Variants in PLPBP observed in about 807,000 individuals in gnomAD.
PLPBP encodes pyridoxal phosphate binding protein.
In PLPBP, 21 loss-of-function variants were observed where a neutral mutation model predicts 31.2. The observed-to-expected ratio is 0.67, with a 90% confidence interval of 0.48 to 0.97. PLPBP has a LOEUF of 0.97. PLPBP is among the 50% of genes least tolerant of loss of function. The probability of loss-of-function intolerance (pLI) is 0.00; values close to 1 mark genes in which losing one functional copy is unlikely to be tolerated. For synonymous variants in PLPBP, 124 were observed against 135.6 expected, an observed-to-expected ratio of 0.91 and a Z score of 0.59; for missense variants, 308 against 354.4, an observed-to-expected ratio of 0.87 and a Z score of 1.05.
In PLPBP at chr8:37,779,362, C is replaced by G. The variant is rs1172850530; in HGVS notation, c.*1258C>G. On this transcript the variant is annotated 3_prime_UTR_variant, in exon 8 of 8. Coordinates refer to ENST00000328195, the MANE Select transcript of PLPBP (RefSeq NM_007198.4). ...TCAACAAAGCCTGGCTTTGACATTC[C>G]TTGTCCTGAGGAGCACTTTCCAGGC... 1.3e-5 allele frequency: 2 copies of G among 152,096 alleles called. No individual in the cohort carries two copies. The highest frequency in any genetic ancestry group is 2.9e-5 in the Non-Finnish European group (2 of 68,030). 9.4% of individuals were successfully genotyped at this position (152,096 alleles called of 1,614,324 possible).
At chr8:37,770,851 G>A (rs1383498213) in intron 4 of PLPBP, among the ~76,000 whole-genome samples, 2 of 151,978 alleles carry the variant, frequency 1.3e-5, no homozygotes, top group African/African-American at 2.4e-5. Context: ...TGCTGGGATC[G>A]CAGGTGTGAG....
At chr8:37,777,722 T>C (rs1803952206) in intron 7 of PLPBP, among the ~76,000 whole-genome samples, 1 of 152,176 alleles carries the variant, frequency 6.6e-6, no homozygotes, top group Non-Finnish European at 1.5e-5. Context: ...TACAGGCATG[T>C]GCCACTATGC....
At position 37,779,258 on chromosome 8, in the gene PLPBP, T is replaced by A. The variant is rs920754672; in HGVS notation, c.*1154T>A. On this transcript the variant is annotated 3_prime_UTR_variant, in exon 8 of 8. Transcript: ENST00000328195. Reference sequence around the variant, plus strand: ...CCACTATAATCCTCTTTAGGGTGATTTTTTAAATCAAAACCCAGTGAATCT... The same window carrying A: ...CCACTATAATCCTCTTTAGGGTGATATTTTAAATCAAAACCCAGTGAATCT... 2.6e-5 allele frequency: 4 copies of A among 152,198 alleles called. No individual in the cohort carries two copies. Among genetic ancestry groups the A allele is most frequent in the African/African-American group, 9.7e-5 (4 of 41,432 alleles). The allele number at this position is 152,198 out of a possible 1,614,324, so 9.4% of individuals were successfully genotyped here. A position where few individuals can be genotyped will look rare whatever the true frequency, so the allele number is the denominator to read the frequency against.
chr8:37,774,578 T>C (rs1803854061), intron 5 of PLPBP, among the ~76,000 whole-genome samples: 1 of 152,216 alleles, frequency 6.6e-6, no homozygotes, highest in African/African-American at 2.4e-5. Flanking sequence ...AGCACCAGTA[T>C]TCACCAAATC....
intron 1 of PLPBP, among the ~76,000 whole-genome samples, chr8:37,765,304 A>G (rs1803594061): frequency 6.6e-6 from 1 of 152,236 alleles, no homozygotes; most frequent in South Asian, 2.1e-4. Flanking sequence ...GAATATTGAC[A>G]TCGCTAACAT....
At position 37,778,111 on chromosome 8, in the gene PLPBP, G is replaced by C. The variant is rs1803967206; in HGVS notation, c.*7G>C. 2 of 1,611,856 alleles carry C rather than the reference G, an allele frequency of 1.2e-6. No individual in the cohort carries two copies. Among genetic ancestry groups the C allele is most frequent in the Admixed American group, 1.7e-5 (1 of 59,936 alleles). On this transcript the variant is annotated 3_prime_UTR_variant, in exon 8 of 8. Transcript: ENST00000328195. ...GGTGGCACAGGAGCACTGAGCCAGG[G>C]AATACTGAGAGCACTAACTATGCAC...
intron 4 of PLPBP, among the ~76,000 whole-genome samples, chr8:37,770,229 C>T (rs1803733961): frequency 1.3e-5 from 2 of 152,158 alleles, no homozygotes; most frequent in South Asian, 2.1e-4. Context: ...CATTACCTGA[C>T]TTCAAATTAT....
chr8:37,765,264 G>C (rs919498543), intron 1 of PLPBP, among the ~76,000 whole-genome samples: 1 of 152,200 alleles, frequency 6.6e-6, no homozygotes. Flanking sequence ...TAACTTGCCC[G>C]GCTCTCCTGA....
At chr8:37,772,133 C>CAA (rs111267034) in intron 4 of PLPBP, among the ~76,000 whole-genome samples, 8,947 of 152,210 alleles carry the variant, frequency 0.059, 892 homozygotes, top group African/African-American at 0.2. Context: ...TATCCATTAA[C>CAA]GAGGAATAGT....
At chr8:37,767,676 T>TC (rs1228360682) in intron 4 of PLPBP, among the ~76,000 whole-genome samples, 3 of 152,196 alleles carry the variant, frequency 2.0e-5, no homozygotes, top group Non-Finnish European at 2.9e-5. Context: ...TGGATATATT[T>TC]CCCTTTTTCT....
upstream of PLPBP, chr8:37,762,573 T>C: frequency 6.6e-7 from 1 of 1,505,074 alleles, no homozygotes; most frequent in Non-Finnish European, 8.8e-7. Context: ...CAATGATTGG[T>C]TCACACGGCG....
In PLPBP at chr8:37,779,301, G is replaced by A. The variant is rs1255797782; in HGVS notation, c.*1197G>A. 2 of 152,094 alleles carry A rather than the reference G, an allele frequency of 1.3e-5. No homozygotes were observed. The highest frequency in any genetic ancestry group is 2.4e-5 in the African/African-American group (1 of 41,384). 9.4% of individuals were successfully genotyped at this position (152,094 alleles called of 1,614,324 possible). On this transcript the variant is annotated 3_prime_UTR_variant, in exon 8 of 8. Transcript: ENST00000328195. ...GTGAATCTCATTACTCCTAAGAAAC[G>A]AAAGATTCCTTCAAAGCCTTTTCAG...
At chr8:37,765,854 C>T in intron 3 of PLPBP, 108 bp downstream of exon 3, 2 of 1,195,148 alleles carry the variant, frequency 1.7e-6, no homozygotes, top group Non-Finnish European at 2.4e-6. Context: ...GGGTGGTTGA[C>T]TTTAGATTGG....
At chr8:37,767,220 T>C (rs761999907) in intron 4 of PLPBP, among the ~76,000 whole-genome samples, 4 of 152,140 alleles carry the variant, frequency 2.6e-5, no homozygotes, top group Non-Finnish European at 5.9e-5. Context: ...ATTGCACATA[T>C]TTAAAGTATA....
chr8:37,769,359 A>G (rs1048652260), intron 4 of PLPBP, among the ~76,000 whole-genome samples: 11 of 151,730 alleles, frequency 7.2e-5, no homozygotes, highest in African/African-American at 2.7e-4. Context: ...ATTAATAATA[A>G]TAAATTTTAA....
At chr8:37,769,580 C>A (rs1265181229) in intron 4 of PLPBP, among the ~76,000 whole-genome samples, 2 of 151,782 alleles carry the variant, frequency 1.3e-5, no homozygotes, top group Non-Finnish European at 2.9e-5. Context: ...TACAAAAGGC[C>A]AGTAATCAAA....
chr8:37,766,900 C>T (rs999482441), intron 4 of PLPBP, among the ~76,000 whole-genome samples: 8 of 151,754 alleles, frequency 5.3e-5, no homozygotes, highest in African/African-American at 1.9e-4. Flanking sequence ...AAAAAAATAG[C>T]TGAGCGTGGT....
intron 4 of PLPBP, among the ~76,000 whole-genome samples, chr8:37,767,099 A>C (rs542080481): frequency 1.6e-3 from 246 of 152,170 alleles, no homozygotes; most frequent in African/African-American, 5.7e-3. Flanking sequence ...AAATTAAGAA[A>C]GACATGGAGA....
chr8:37,773,888 A>G (rs1803839767), intron 5 of PLPBP, among the ~76,000 whole-genome samples: 1 of 152,092 alleles, frequency 6.6e-6, no homozygotes, highest in Non-Finnish European at 1.5e-5. Context: ...AAATTACTTG[A>G]TGTTGCATTG....
Sources: allele counts gnomAD v4.1 joint callset (sites outside exome capture counted in the v4.1 genomes callset), GRCh38; gene constraint gnomAD v4.1.1; transcripts MANE v1.5; gene names NCBI Gene and HGNC (gene_info 2026-07-23, HGNC 2026-07-21).